Variants in EYS observed in about 807,000 individuals in gnomAD.
The protein encoded by EYS is EGF-like photoreceptor maintenance factor, also known as protein eyes shut homolog.
In EYS, 250 loss-of-function variants were observed where a neutral mutation model predicts 282.1. That is an observed-to-expected ratio of 0.89 (90% CI 0.80 to 0.98). The LOEUF (loss-of-function observed/expected upper bound fraction) is 0.98, where lower values mean the gene tolerates loss of function less well. EYS is among the 50% of genes least tolerant of loss of function. The pLI is 0.00. For synonymous variants in EYS, 1,355 were observed against 1,282.9 expected, an observed-to-expected ratio of 1.06 and a Z score of -1.20; for missense variants, 4,016 against 3,709.0, an observed-to-expected ratio of 1.08 and a Z score of -2.15.
chr6:65,574,806 C>A (rs1562266889), intron 2 of EYS, among the ~76,000 whole-genome samples: 2 of 152,072 alleles, frequency 1.3e-5, no homozygotes. Flanking sequence ...CCCACAGCTA[C>A]AGAAAACAAA....
chr6:64,316,110 C>T (rs1769950341), intron 29 of EYS, among the ~76,000 whole-genome samples: 1 of 152,162 alleles, frequency 6.6e-6, no homozygotes, highest in Non-Finnish European at 1.5e-5. Flanking sequence ...CAGCCAATAT[C>T]ATACTGAATG....
At chr6:65,214,188 A>T (rs1260193751) in intron 12 of EYS, among the ~76,000 whole-genome samples, 1 of 135,742 alleles carries the variant, frequency 7.4e-6, no homozygotes, top group East Asian at 2.2e-4. Flanking sequence ...AAAAAAAAAA[A>T]GCAAGCAAGC....
rs1765024450 is a variant in EYS, at chr6:65,168,349, A to T, written c.2024-110622T>A. 3.3e-5 allele frequency among the ~76,000 whole-genome samples: 5 copies of T among 151,406 alleles called. No homozygotes were observed. In the South Asian group the frequency reaches 1.0e-3, roughly 31 times the overall value. ...TCTTAGTCGATTTAGGGCTGCCATAACAGAATACCATAAGCTGGTGGCTTA... is the reference window on the plus strand; with the variant it reads ...TCTTAGTCGATTTAGGGCTGCCATATCAGAATACCATAAGCTGGTGGCTTA... On this transcript the variant is annotated intron_variant, in intron 12 of 42. Coordinates refer to ENST00000503581, the MANE Select transcript of EYS (RefSeq NM_001142800.2).
At chr6:64,868,237 A>T (rs9354177) in intron 19 of EYS, among the ~76,000 whole-genome samples, 23,504 of 151,398 alleles carry the variant, frequency 0.16, 2,148 homozygotes, top group East Asian at 0.49. Context: ...AGTGTGGTTT[A>T]TAATCCTGGA....
intron 31 of EYS, among the ~76,000 whole-genome samples, chr6:64,085,587 G>C (rs1772131037): frequency 1.3e-5 from 2 of 152,038 alleles, no homozygotes; most frequent in African/African-American, 4.8e-5. Flanking sequence ...TTTAAATCAA[G>C]AATACTTTCT....
intron 22 of EYS, among the ~76,000 whole-genome samples, chr6:64,677,180 C>A (rs1410609292): frequency 6.6e-6 from 1 of 152,110 alleles, no homozygotes; most frequent in African/African-American, 2.4e-5. Context: ...TAAGTCTTAT[C>A]ACAATCTCCC....
At chr6:64,206,691 C>T (rs1235883318) in intron 31 of EYS, among the ~76,000 whole-genome samples, 1 of 152,124 alleles carries the variant, frequency 6.6e-6, no homozygotes, top group Non-Finnish European at 1.5e-5. Context: ...TGTTTCACAC[C>T]GTGACAGGCT....
chr6:65,445,966 G>T (rs1768639688), intron 5 of EYS, among the ~76,000 whole-genome samples: 3 of 151,606 alleles, frequency 2.0e-5, no homozygotes, highest in Non-Finnish European at 4.4e-5. Flanking sequence ...TAATTTAGGA[G>T]AAATAAAATT....
At chr6:64,681,438 A>G (rs917565497) in intron 22 of EYS, among the ~76,000 whole-genome samples, 3 of 152,194 alleles carry the variant, frequency 2.0e-5, no homozygotes, top group Non-Finnish European at 4.4e-5. Flanking sequence ...GGAAAATACT[A>G]GGGCAAATAC....
chr6:65,061,087 G>A (rs770745431), intron 12 of EYS, among the ~76,000 whole-genome samples: 2 of 151,742 alleles, frequency 1.3e-5, no homozygotes, highest in Admixed American at 6.6e-5. Context: ...CAGATTTTGC[G>A]ACTGACTCTT....
chr6:64,860,131 G>A (rs1408401951), intron 19 of EYS, among the ~76,000 whole-genome samples: 2 of 152,120 alleles, frequency 1.3e-5, no homozygotes, highest in African/African-American at 4.8e-5. Flanking sequence ...CTCTCTTTGT[G>A]TATACTATCC....
intron 35 of EYS, among the ~76,000 whole-genome samples, chr6:63,912,164 C>A (rs1032107968): frequency 1.3e-5 from 2 of 152,104 alleles, no homozygotes; most frequent in African/African-American, 4.8e-5. Context: ...TTTGCATTTT[C>A]TATTTCTTAC....
intron 8 of EYS, among the ~76,000 whole-genome samples, chr6:65,362,631 C>T (rs1764755193): frequency 6.6e-6 from 1 of 151,402 alleles, no homozygotes; most frequent in Non-Finnish European, 1.5e-5. Flanking sequence ...AATGTATATG[C>T]ATGTGTATAT....
intron 26 of EYS, among the ~76,000 whole-genome samples, chr6:64,537,146 A>T: frequency 7.5e-6 from 1 of 133,326 alleles, no homozygotes; most frequent in African/African-American, 2.8e-5. Context: ...TCCCAATGCT[A>T]TCCCTCCCCC....
chr6:63,736,799 T>G (rs1768924961), intron 41 of EYS, among the ~76,000 whole-genome samples: 1 of 151,706 alleles, frequency 6.6e-6, no homozygotes, highest in Admixed American at 6.6e-5. Context: ...AAGAGGTCCT[T>G]CACGTCCCTT....
intron 26 of EYS, among the ~76,000 whole-genome samples, chr6:64,467,724 GCACACTGCTAC>G (rs901694897): frequency 6.6e-6 from 1 of 152,058 alleles, no homozygotes; most frequent in Non-Finnish European, 1.5e-5. Flanking sequence ...GGCCTGCTCT[GCACACTGCTAC>G]CAGTATATGG....
chr6:64,179,166 A>C (rs1214783633), intron 31 of EYS, among the ~76,000 whole-genome samples: 2 of 152,048 alleles, frequency 1.3e-5, no homozygotes, highest in Non-Finnish European at 2.9e-5. Context: ...GTTTCAGATA[A>C]TACTTGAGAG....
At chr6:63,827,185 T>A (rs1167352120) in intron 36 of EYS, among the ~76,000 whole-genome samples, 2 of 152,180 alleles carry the variant, frequency 1.3e-5, no homozygotes, top group East Asian at 3.9e-4. Flanking sequence ...AGAAGGACAG[T>A]ATATAATGAT....
chr6:64,104,023 AGAGTT>A (rs1252424863), intron 31 of EYS, among the ~76,000 whole-genome samples: 3 of 152,088 alleles, frequency 2.0e-5, no homozygotes. Context: ...CCGAGGATGA[AGAGTT>A]GAGCAGTGGG....
Sources: gnomAD v4.1 joint callset for allele counts (sites outside exome capture counted in the v4.1 genomes callset) on GRCh38, gnomAD v4.1.1 for gene constraint, MANE v1.5 for transcripts, NCBI Gene and HGNC (gene_info 2026-07-23, HGNC 2026-07-21) for gene names.